Variants in HEY2 observed in about 807,000 individuals in gnomAD.
HEY2 encodes the protein hes related family bHLH transcription factor with YRPW motif 2.
A neutral mutation model predicts 18.1 loss-of-function variants in HEY2; 10 were observed. The observed-to-expected ratio is 0.55, with a 90% CI of 0.34 to 0.94. The LOEUF is 0.94. Ranked by LOEUF, HEY2 falls within the 40% of genes least tolerant of loss-of-function variation. HEY2 has a pLI of 0.02. For missense variants in HEY2, 455 were observed against 455.9 expected, an observed-to-expected ratio of 1.00 and a Z score of 0.02; for synonymous variants, 210 against 182.7, an observed-to-expected ratio of 1.15 and a Z score of -1.21.
chr6:125,759,750 G>C lies in HEY2; in HGVS notation c.962G>C (p.Gly321Ala). 3 of 1,613,856 alleles carry C rather than the reference G, an allele frequency of 1.9e-6. No individual in the cohort carries two copies. In the East Asian group the frequency reaches 6.7e-5, roughly 36 times the overall value. ...TCCAGTCCTCAGCAGACCAGCAGTG[G>C]AACAAACAATAAACCTTACCGACCC... ...ATSSPQQTSSGTNNKPYRPWG... is the reference protein window; with the variant it reads ...ATSSPQQTSSATNNKPYRPWG... Residue 321 changes from glycine (G) to alanine (A), a missense_variant, in exon 5 of 5, where the codon GGA (glycine) becomes GCA (alanine). Physicochemically the swap from Gly to Ala is moderately conservative, Grantham distance 60. Transcript: ENST00000368364.
In HEY2 at chr6:125,759,311, C is replaced by T. The variant is rs746531685; in HGVS notation, c.523C>T (p.His175Tyr). 6 of 1,605,686 alleles carry T rather than the reference C, an allele frequency of 3.7e-6. No homozygotes were observed. The highest frequency in any genetic ancestry group is 1.3e-5 in the African/African-American group (1 of 74,904). The part of the protein sequence containing the change: ...EAAAMTSSMA[H>Y]HHHPLHPHHW... ...GGCGGCCATGACATCCTCCATGGCC[C>T]ACCACCATCATCCGCTCCACCCGCA... The change falls in exon 5 of 5, where the codon CAC becomes TAC. Residue 175 changes from histidine (H) to tyrosine (Y), a missense_variant. His to Tyr is a moderately conservative substitution (Grantham distance 83). Coordinates refer to ENST00000368364, the MANE Select transcript of HEY2 (RefSeq NM_012259.3).
At chr6:125,752,202 T>C (rs1448341594) in intron 3 of HEY2, 112 bp downstream of exon 3, 1 of 664,184 alleles carries the variant, frequency 1.5e-6, no homozygotes, top group Admixed American at 2.6e-5. Flanking sequence ...TTAAAGCTCA[T>C]TAAAATAATA....
intron 3 of HEY2, 56 bp downstream of exon 3, chr6:125,752,146 A>C (rs1773558320): frequency 2.0e-6 from 2 of 1,019,752 alleles, no homozygotes; most frequent in South Asian, 2.8e-5. Context: ...CCCAAAAAAA[A>C]GCTCAAACAC....
intron 4 of HEY2, 81 bp from the exon 5 acceptor site, chr6:125,759,036 A>G: frequency 9.9e-7 from 1 of 1,006,646 alleles, no homozygotes; most frequent in South Asian, 1.6e-5. Context: ...GTGGGTGGTT[A>G]TTGTTGACTA....
intron 3 of HEY2, among the ~76,000 whole-genome samples, chr6:125,752,427 C>A (rs199506521): frequency 9.1e-3 from 1,067 of 117,022 alleles, no homozygotes; most frequent in Non-Finnish European, 9.7e-3. Flanking sequence ...CCGTATCCTT[C>A]AAAAAAAAAA....
intron 3 of HEY2, 23 bp from the exon 4 acceptor site, chr6:125,754,442 T>C: frequency 7.4e-7 from 1 of 1,345,616 alleles, no homozygotes; most frequent in Non-Finnish European, 1.0e-6. Flanking sequence ...TAGGATTATT[T>C]ATTTATTTAT....
In HEY2 at chr6:125,749,689, G is replaced by A; in HGVS notation, c.-88G>A. 1 of 953,142 alleles carries A rather than the reference G, an allele frequency of 1.0e-6. No homozygotes were observed. Among genetic ancestry groups the A allele is most frequent in the Non-Finnish European group, 1.5e-6 (1 of 649,174 alleles). The allele number at this position is 953,142 out of a possible 1,614,324, so 59.0% of individuals were successfully genotyped here. A position where few individuals can be genotyped will look rare whatever the true frequency, so the allele number is the denominator to read the frequency against. Reference sequence around the variant, plus strand: ...CCGGAGCCGCGCCTGCCCAGGCCCGGGGAGGGAGGAGGCGGGCGTCAGGGT... The same window carrying A: ...CCGGAGCCGCGCCTGCCCAGGCCCGAGGAGGGAGGAGGCGGGCGTCAGGGT... On this transcript the variant is annotated 5_prime_UTR_variant, in exon 1 of 5. Transcript: ENST00000368364.
chr6:125,758,975 G>T, intron 4 of HEY2, 142 bp from the exon 5 acceptor site: 1 of 595,094 alleles, frequency 1.7e-6, no homozygotes, highest in East Asian at 3.0e-5. Context: ...AATATTTCCA[G>T]AAAGGATTAT....
intron 3 of HEY2, among the ~76,000 whole-genome samples, chr6:125,753,052 T>C (rs1049141109): frequency 2.6e-5 from 4 of 152,236 alleles, no homozygotes; most frequent in Admixed American, 2.6e-4. Flanking sequence ...AATTAAACGC[T>C]GACCAAATAC....
At position 125,754,335 on chromosome 6, in the gene HEY2, G is replaced by C. The variant is rs753286958; in HGVS notation, c.247-130G>C. 761 of 448,294 alleles carry C rather than the reference G, an allele frequency of 1.7e-3. 3 individuals are homozygous for C. In the Middle Eastern group the frequency reaches 0.019, roughly 11 times the overall value. 27.8% of individuals were successfully genotyped at this position (448,294 alleles called of 1,614,324 possible). A position where few individuals can be genotyped will look rare whatever the true frequency, so the allele number is the denominator to read the frequency against. On this transcript the variant is annotated intron_variant, in intron 3 of 4. Transcript: ENST00000368364. ...GTTTGGAAAGAATTCGAAGTTTTCTGTGAAAAAATAAAAGTTGGGATTGTC... is the reference window on the plus strand; with the variant it reads ...GTTTGGAAAGAATTCGAAGTTTTCTCTGAAAAAATAAAAGTTGGGATTGTC...
In HEY2 at chr6:125,752,927, A is replaced by G. The variant is rs76017888; in HGVS notation, c.246+837A>G. ...TTATTCCATTTTGTTTGTTTACTTC[A>G]TGAATCTGCAAACATTATAAAACAA... is the stretch of plus-strand genomic sequence containing the variant. On this transcript the variant is annotated intron_variant, in intron 3 of 4. Transcript: ENST00000368364. Among the ~76,000 whole-genome samples the G allele has an allele frequency of 3.8e-3, 574 of 152,322 alleles. 1 individual carries two copies. The highest frequency in any genetic ancestry group is 0.013 in the African/African-American group (549 of 41,588).
intron 3 of HEY2, 107 bp from the exon 4 acceptor site, chr6:125,754,358 G>A: frequency 1.8e-6 from 1 of 540,858 alleles, no homozygotes; most frequent in Non-Finnish European, 3.0e-6. Context: ...AGTTGGGATT[G>A]TCTAGTGAGA....
intron 4 of HEY2, among the ~76,000 whole-genome samples, chr6:125,756,098 C>T (rs1773648634): frequency 6.6e-6 from 1 of 152,174 alleles, no homozygotes; most frequent in South Asian, 2.1e-4. Context: ...TAATATTGTT[C>T]TTAGGCTTTA....
At chr6:125,750,978 A>G (rs1374054737) in intron 1 of HEY2, among the ~76,000 whole-genome samples, 1 of 152,260 alleles carries the variant, frequency 6.6e-6, no homozygotes, top group Non-Finnish European at 1.5e-5. Flanking sequence ...GAAGAGAAAC[A>G]GATACAAACT....
intron 3 of HEY2, 22 bp downstream of exon 3, chr6:125,752,112 A>AAAGCC (rs1409725466): frequency 6.7e-7 from 1 of 1,488,864 alleles, no homozygotes; most frequent in Non-Finnish European, 9.3e-7. Flanking sequence ...CCTCCCCAGA[A>AAAGCC]TCCCCCCACC....
At position 125,749,747 on chromosome 6, in the gene HEY2, C is replaced by T. The variant is rs1236995864; in HGVS notation, c.-30C>T. The T allele has an allele frequency of 2.6e-6, 4 of 1,536,436 alleles. No individual in the cohort carries two copies. The highest frequency in any genetic ancestry group is 3.5e-6 in the Non-Finnish European group (4 of 1,137,104). On this transcript the variant is annotated 5_prime_UTR_variant, in exon 1 of 5. Coordinates refer to ENST00000368364, the MANE Select transcript of HEY2 (RefSeq NM_012259.3). ...CCCGCTCGGCGTCCGAGCTTCCGGC[C>T]GGGCTGTGCCCCGCGCGGTCTTCGC... is the stretch of plus-strand genomic sequence containing the variant.
rs759303884 is a variant in HEY2 at position 125,751,896 on chromosome 6, C to T, written c.162+17C>T. 1 of 1,604,148 alleles carries T rather than the reference C, an allele frequency of 6.2e-7. No homozygotes were observed. The highest frequency in any genetic ancestry group is 1.7e-5 in the Admixed American group (1 of 59,594). ...AGGAGAGGGGTATGTGATTTTTCCC[C>T]CTTTTTATTTCATGTAACTTATACT... is the stretch of plus-strand genomic sequence containing the variant. On this transcript the variant is annotated intron_variant, in intron 2 of 4. Transcript: ENST00000368364.
rs375151697 is a variant in HEY2 at position 125,759,037 on chromosome 6, T to C, written c.329-80T>C. 5.0e-5 allele frequency: 51 copies of C among 1,029,256 alleles called. No homozygotes were observed. In the East Asian group the frequency reaches 1.2e-3, roughly 24 times the overall value. 63.8% of individuals were successfully genotyped at this position (1,029,256 alleles called of 1,614,324 possible). On this transcript the variant is annotated intron_variant, in intron 4 of 4. Coordinates refer to ENST00000368364, the MANE Select transcript of HEY2 (RefSeq NM_012259.3). ...AGAGTGGAACATCAGTGGGTGGTTATTGTTGACTATACCATTTTCTCACCC... is the reference window on the plus strand; with the variant it reads ...AGAGTGGAACATCAGTGGGTGGTTACTGTTGACTATACCATTTTCTCACCC...
chr6:125,755,505 T>A (rs1208328648), intron 4 of HEY2, among the ~76,000 whole-genome samples: 3 of 152,204 alleles, frequency 2.0e-5, no homozygotes, highest in African/African-American at 7.2e-5. Flanking sequence ...AGCATTAACC[T>A]TTTACTACAC....
Sources: allele counts gnomAD v4.1 joint callset (sites outside exome capture counted in the v4.1 genomes callset), GRCh38; gene constraint gnomAD v4.1.1; transcripts MANE v1.5; gene names NCBI Gene and HGNC (gene_info 2026-07-23, HGNC 2026-07-21).